The following BFSP1 variants were observed in gnomAD, a reference collection of about 807,000 sequenced individuals.
The protein encoded by BFSP1 is beaded filament structural protein 1, also known as filensin.
BFSP1 carries 38 observed loss-of-function variants against 43.9 expected under a neutral mutation model. That is an observed-to-expected ratio of 0.87 (90% CI 0.67 to 1.14). The LOEUF (loss-of-function observed/expected upper bound fraction) is 1.14. Among genes scored for constraint, BFSP1 ranks in the 50% most tolerant of loss-of-function variants. BFSP1 has a pLI of 0.00. For synonymous variants in BFSP1, 352 were observed against 354.8 expected (o/e 0.99, Z 0.09); for missense variants, 850 against 875.1 (o/e 0.97, Z 0.36).
At chr20:17,563,428 G>A (rs983589908), upstream of BFSP1, among the ~76,000 whole-genome samples, 6 of 131,812 alleles carry the variant, frequency 4.6e-5, no homozygotes, top group Admixed American at 9.7e-5. Context: ...ACAGAGTCTC[G>A]TGCTGTTGCC....
chr20:17,541,321 A>C, intron 1 of BFSP1: 1 of 916,356 alleles, frequency 1.1e-6, no homozygotes, highest in Non-Finnish European at 1.3e-6. Flanking sequence ...GTGCTTGGCC[A>C]AAGATGGATC....
Position 17,498,910 on chromosome 20 carries a change from G to C in BFSP1, c.866C>G (p.Ser289Cys), listed in dbSNP as rs1269450875. ...EETERVLEKSSYDCRQLAVAQ... is the reference protein window; with the variant it reads ...EETERVLEKSCYDCRQLAVAQ... Reference sequence around the variant, plus strand: ...GACCGCCAGCTGCCGGCAGTCGTAAGAAGACTTCTCCAGGACCCGCTCTGT... The same window carrying C: ...GACCGCCAGCTGCCGGCAGTCGTAACAAGACTTCTCCAGGACCCGCTCTGT... Residue 289 changes from serine (S) to cysteine (C), a missense_variant, in exon 6 of 8, where the codon TCT (serine) becomes TGT (cysteine). By Grantham distance (112) the Ser-to-Cys change is moderately radical. Transcript: ENST00000377873. 6.2e-7 allele frequency: 1 copy of C among 1,614,224 alleles called. No homozygotes were observed. The highest frequency in any genetic ancestry group is 2.2e-5 in the East Asian group (1 of 44,886).
In BFSP1 at chr20:17,517,207, C is replaced by G. The variant is rs2034218085; in HGVS notation, c.439-2391G>C. 3.4e-6 allele frequency: 3 copies of G among 883,614 alleles called. No homozygotes were observed. In the South Asian group the frequency reaches 3.9e-5, roughly 12 times the overall value. The allele number at this position is 883,614 out of a possible 1,614,324, so 54.7% of individuals were successfully genotyped here. On this transcript the variant is annotated intron_variant, in intron 2 of 7. Coordinates refer to ENST00000377873, the MANE Select transcript of BFSP1 (RefSeq NM_001195.5). ...AGTCACCTTCATCGAGAGTGCCCTT[C>G]TGATGAATGTGGTGCTGGAGTGTTT...
At chr20:17,502,985 G>A (rs1256367052) in intron 5 of BFSP1, among the ~76,000 whole-genome samples, 1 of 152,166 alleles carries the variant, frequency 6.6e-6, no homozygotes, top group Non-Finnish European at 1.5e-5. Context: ...GCCATGTGTT[G>A]AGGGATGGGG....
chr20:17,541,380 G>A (rs778379725), intron 1 of BFSP1, among the ~76,000 whole-genome samples: 5 of 152,080 alleles, frequency 3.3e-5, no homozygotes, highest in Admixed American at 1.3e-4. Context: ...TTCCACATTC[G>A]CTGATTGGGC....
At chr20:17,508,618 G>A (rs936187771) in intron 5 of BFSP1, among the ~76,000 whole-genome samples, 4 of 152,110 alleles carry the variant, frequency 2.6e-5, no homozygotes, top group East Asian at 1.9e-4. Flanking sequence ...GGCATGACTC[G>A]AAGGAGTCCC....
rs1568717863 is a variant in BFSP1 at position 17,553,810 on chromosome 20, C to CATATATATAT, written c.2+4877_2+4878insATATATATAT. ...ATATATATATACACACACACACACA[C>CATATATATAT]ACACACACACACACATATATATATA... On this transcript the variant is annotated intron_variant, in intron 1 of 7. Transcript: ENST00000377868. Among the ~76,000 whole-genome samples the CATATATATAT allele has an allele frequency of 1.6e-4, 18 of 111,852 alleles. 1 individual carries two copies. Among genetic ancestry groups the CATATATATAT allele is most frequent in the African/African-American group, 7.0e-4 (16 of 22,948 alleles). 73.4% of individuals were successfully genotyped at this position (111,852 alleles called of 152,430 possible).
intron 1 of BFSP1, among the ~76,000 whole-genome samples, chr20:17,552,083 G>T (rs779666844): frequency 3.3e-5 from 5 of 152,274 alleles, no homozygotes; most frequent in Middle Eastern, 3.4e-3. Flanking sequence ...AGATAAATAA[G>T]TGAAAAATAG....
intron 1 of BFSP1, among the ~76,000 whole-genome samples, chr20:17,550,761 C>A (rs186756116): frequency 3.3e-5 from 5 of 152,194 alleles, no homozygotes; most frequent in Non-Finnish European, 7.3e-5. Context: ...GCGTGAGCCA[C>A]CGTACCTGGC....
At chr20:17,553,816 C>CATATATAT (rs1568717907) in intron 1 of BFSP1, among the ~76,000 whole-genome samples, 13 of 95,400 alleles carry the variant, frequency 1.4e-4, no homozygotes, top group African/African-American at 8.1e-4. Flanking sequence ...CACACACACA[C>CATATATAT]ACACACACAT....
Position 17,494,725 on chromosome 20 carries a change from C to T in BFSP1, c.1347G>A (p.Lys449=). ...KGFGKLYRKV[K]EKVRSPKEPE... ...GCTCTTTGGGGCTTCTCACTTTCTC[C>T]TTGACCTTCCTGTATAGTTTCCCAA... is the stretch of plus-strand genomic sequence containing the variant. Residue 449 remains lysine (K), a synonymous_variant, in exon 8 of 8, where the codon AAG becomes AAA. Coordinates refer to ENST00000377873, the MANE Select transcript of BFSP1 (RefSeq NM_001195.5). 6.2e-7 allele frequency: 1 copy of T among 1,614,152 alleles called. No homozygotes were observed. The highest frequency in any genetic ancestry group is 1.1e-5 in the South Asian group (1 of 91,064).
At chr20:17,559,077 T>G (rs1251090100), upstream of BFSP1, 1 of 191,838 alleles carries the variant, frequency 5.2e-6, no homozygotes, top group Non-Finnish European at 1.1e-5. Context: ...TTGCAAGATG[T>G]GATGTTGTTT....
chr20:17,514,840 T>C, intron 2 of BFSP1, 24 bp from the exon 3 acceptor site: 3 of 1,606,768 alleles, frequency 1.9e-6, no homozygotes, highest in Non-Finnish European at 1.7e-6. Context: ...CACATATCCC[T>C]GGCCACAGGC....
Position 17,511,985 on chromosome 20 carries a change from C to T in BFSP1, c.618G>A (p.Gly206=). ...CTGCTTCAATTCTTACCTCCCTCAT[C>T]CCACTCGTCACAATGGATGCTGGAG... The part of the protein sequence containing the change: ...TTPPASIVTS[G]MREEKLLTER... Residue 206 remains glycine, a synonymous_variant, in exon 4 of 8, where the codon GGG becomes GGA. Transcript: ENST00000377873. 1 of 1,606,752 alleles carries T rather than the reference C, an allele frequency of 6.2e-7. No individual in the cohort carries two copies. Among genetic ancestry groups the T allele is most frequent in the Non-Finnish European group, 8.5e-7 (1 of 1,173,412 alleles).
chr20:17,501,486 G>A (rs2033798915), intron 5 of BFSP1, among the ~76,000 whole-genome samples: 1 of 151,844 alleles, frequency 6.6e-6, no homozygotes, highest in South Asian at 2.1e-4. Flanking sequence ...AACCCGGGAG[G>A]TGGAGTTTGC....
At chr20:17,568,146 T>C (rs141646115) in intron 1 of BFSP1, among the ~76,000 whole-genome samples, 142 of 151,922 alleles carry the variant, frequency 9.3e-4, no homozygotes, top group Middle Eastern at 3.4e-3. Flanking sequence ...TAGGAAGATA[T>C]GGGAGATAGG....
Position 17,507,270 on chromosome 20 carries a change from TA to T in BFSP1, c.735+1618del, listed in dbSNP as rs1205911515. On this transcript the variant is annotated intron_variant, in intron 5 of 7. Coordinates refer to ENST00000377873, the MANE Select transcript of BFSP1 (RefSeq NM_001195.5). The surrounding 1 kb of genome is among the most constrained non-coding windows in gnomAD (Gnocchi z 4.4). ...TTGCGAGCCATACACATCAGATAGG[TA>T]GGTGTGTGTGTGTGTGTGTGTGTGT... 1.3e-4 allele frequency among the ~76,000 whole-genome samples: 18 copies of T among 134,592 alleles called. No individual in the cohort carries two copies. The highest frequency in any genetic ancestry group is 6.2e-4 in the East Asian group (3 of 4,856). 88.3% of individuals were successfully genotyped at this position (134,592 alleles called of 152,430 possible). A position where few individuals can be genotyped will look rare whatever the true frequency, so the allele number is the denominator to read the frequency against.
Position 17,494,385 on chromosome 20 carries a change from C to T in BFSP1, c.1687G>A (p.Glu563Lys). 2 of 1,614,222 alleles carry T rather than the reference C, an allele frequency of 1.2e-6. No individual in the cohort carries two copies. The highest frequency in any genetic ancestry group is 2.2e-5 in the South Asian group (2 of 91,088). Residue 563 changes from glutamate to lysine, a missense_variant, in exon 8 of 8, where the codon GAG becomes AAG. Physicochemically the swap from Glu to Lys is moderately conservative, Grantham distance 56 (BLOSUM62 1). Transcript: ENST00000377873. ...CTCCTGGACTCTTCGTCCCGCTCCT[C>T]ACCCTCACGTTTCTCTTCAGGGCCT... ...LEGPEEKREG[E>K]ERDEESRRPC... is the part of the protein sequence containing the mutation.
chr20:17,543,222 C>T (rs183570073), intron 1 of BFSP1, among the ~76,000 whole-genome samples: 52 of 152,262 alleles, frequency 3.4e-4, no homozygotes, highest in Admixed American at 7.2e-4. Flanking sequence ...CCAACAGTGG[C>T]GGTAAGCAGA....
Sources: allele counts gnomAD v4.1 joint callset (sites outside exome capture counted in the v4.1 genomes callset), GRCh38; gene constraint gnomAD v4.1.1; non-coding constraint Gnocchi (gnomAD v3.1); transcripts MANE v1.5; gene names NCBI Gene and HGNC (gene_info 2026-07-23, HGNC 2026-07-21).